Variants in STK32A observed in about 807,000 individuals in gnomAD.
STK32A encodes serine/threonine kinase 32A.
In STK32A, 41 loss-of-function variants were observed where a neutral mutation model predicts 53.2. The observed-to-expected ratio is 0.77, with a 90% confidence interval of 0.60 to 1.00. The LOEUF (loss-of-function observed/expected upper bound fraction) is 1.00, where lower values mean the gene tolerates loss of function less well. Ranked by LOEUF, STK32A falls within the 50% of genes least tolerant of loss-of-function variation. The pLI is 0.00. For missense variants in STK32A, 458 were observed against 485.8 expected (o/e 0.94, Z 0.54); for synonymous variants, 166 against 162.8 (o/e 1.02, Z -0.15).
At chr5:147,348,810 A>G in intron 6 of STK32A, 1 of 718,846 alleles carries the variant, frequency 1.4e-6, no homozygotes. Context: ...ATCAACAATT[A>G]AACGCTTACT....
Position 147,359,136 on chromosome 5 carries a change from C to T in STK32A, c.563-2381C>T, listed in dbSNP as rs180902591. Among the ~76,000 whole-genome samples, 549 of 152,194 alleles carry T rather than the reference C, an allele frequency of 3.6e-3. 4 individuals carry two copies. The highest frequency in any genetic ancestry group is 0.013 in the African/African-American group (531 of 41,542). ...GTGGCTTTTTTGAAGGACACTTAGCCCTTCTCTGACTCTCTTAGTACTCTC... is the reference window on the plus strand; with the variant it reads ...GTGGCTTTTTTGAAGGACACTTAGCTCTTCTCTGACTCTCTTAGTACTCTC... On this transcript the variant is annotated intron_variant, in intron 7 of 12. Coordinates refer to ENST00000397936, the MANE Select transcript of STK32A (RefSeq NM_001112724.2).
intron 6 of STK32A, chr5:147,348,861 T>G (rs1466294307): frequency 1.5e-6 from 1 of 659,974 alleles, no homozygotes; most frequent in Non-Finnish European, 2.8e-6. Flanking sequence ...AATCATTCTT[T>G]CATTTAATAT....
intron 2 of STK32A, among the ~76,000 whole-genome samples, chr5:147,263,301 T>C (rs972293411): frequency 6.6e-6 from 1 of 152,224 alleles, no homozygotes; most frequent in South Asian, 2.1e-4. Flanking sequence ...AGGCCGCAGC[T>C]AGAAGCAACA....
chr5:147,380,314 A>G (rs1203487626), intron 11 of STK32A, among the ~76,000 whole-genome samples: 1 of 152,132 alleles, frequency 6.6e-6, no homozygotes, highest in Non-Finnish European at 1.5e-5. Context: ...TTCCGTTTGC[A>G]AGTAAGAGTG....
At position 147,361,576 on chromosome 5, in the gene STK32A, T is replaced by A; in HGVS notation, c.622T>A (p.Ser208Thr). 6.2e-7 allele frequency: 1 copy of A among 1,613,490 alleles called. No individual in the cohort carries two copies. Among genetic ancestry groups the A allele is most frequent in the Non-Finnish European group, 8.5e-7 (1 of 1,179,728 alleles). ...CTATTCCTTTGCTGTTGACTGGTGG[T>A]CCCTGGGAGTGACGGCATATGAACT... ...AGYSFAVDWW[S>T]LGVTAYELLR... Residue 208 changes from serine to threonine, a missense_variant, in exon 8 of 13, where the codon TCC becomes ACC. By Grantham distance (58) the Ser-to-Thr change is moderately conservative. Coordinates refer to ENST00000397936, the MANE Select transcript of STK32A (RefSeq NM_001112724.2).
chr5:147,365,353 G>A (rs576101260), intron 8 of STK32A, among the ~76,000 whole-genome samples: 2 of 152,142 alleles, frequency 1.3e-5, no homozygotes, highest in South Asian at 2.1e-4. Context: ...TGCCTTTCCT[G>A]AGGAAGTCAT....
intron 11 of STK32A, among the ~76,000 whole-genome samples, chr5:147,382,425 G>A (rs536260957): frequency 2.6e-4 from 40 of 151,780 alleles, no homozygotes; most frequent in African/African-American, 9.2e-4. Context: ...CTACTGTTAG[G>A]TCTTTTTAAG....
intron 6 of STK32A, among the ~76,000 whole-genome samples, chr5:147,349,622 T>C (rs1000845949): frequency 2.0e-5 from 3 of 152,106 alleles, no homozygotes; most frequent in Admixed American, 6.6e-5. Flanking sequence ...AGACCCACAC[T>C]ATATTGCTTT....
At chr5:147,396,820 C>T in the STK32A span, among the ~76,000 whole-genome samples, 1 of 150,248 alleles carries the variant, frequency 6.7e-6, no homozygotes, top group Non-Finnish European at 1.5e-5. Flanking sequence ...GGCTAATACA[C>T]ATATATATAC....
chr5:147,387,172 G>A lies in STK32A; in HGVS notation c.*3189G>A, dbSNP rs1168317519. The A allele has an allele frequency of 6.6e-6, 1 of 152,228 alleles. No homozygotes were observed. The highest frequency in any genetic ancestry group is 2.4e-5 in the African/African-American group (1 of 41,450). The allele number at this position is 152,228 out of a possible 1,614,324, so 9.4% of individuals were successfully genotyped here. ...ACTGTGACAGAGCTGCCCACCTCCAGTACACCCTCAGTGACCTCGAGTAGA... is the reference window on the plus strand; with the variant it reads ...ACTGTGACAGAGCTGCCCACCTCCAATACACCCTCAGTGACCTCGAGTAGA... On this transcript the variant is annotated 3_prime_UTR_variant, in exon 13 of 13. Transcript: ENST00000397936.
rs537671852 is a variant in STK32A, at chr5:147,260,144, TC to T, written c.53-17978del. Reference sequence around the variant, plus strand: ...TCTCTCTCTCTTCTCTGTCTCTCTCTCCTGTCTCTCTCCTCTCTGTCTCTCT... The same window carrying T: ...TCTCTCTCTCTTCTCTGTCTCTCTCTCTGTCTCTCTCCTCTCTGTCTCTCT... On this transcript the variant is annotated intron_variant, in intron 2 of 12. Coordinates refer to ENST00000397936, the MANE Select transcript of STK32A (RefSeq NM_001112724.2). Among the ~76,000 whole-genome samples the T allele has an allele frequency of 2.6e-3, 338 of 129,050 alleles. 3 individuals are homozygous for T. Among genetic ancestry groups the T allele is most frequent in the African/African-American group, 9.6e-3 (319 of 33,370 alleles). The allele number at this position is 129,050 out of a possible 152,430, so 84.7% of individuals were successfully genotyped here. A position where few individuals can be genotyped will look rare whatever the true frequency, so the allele number is the denominator to read the frequency against.
At chr5:147,329,651 A>G (rs1754767303) in intron 5 of STK32A, among the ~76,000 whole-genome samples, 1 of 152,252 alleles carries the variant, frequency 6.6e-6, no homozygotes, top group Admixed American at 6.5e-5. Context: ...ACGCACGCAC[A>G]CACACACACA....
At chr5:147,383,699 G>A (rs376309434) in intron 12 of STK32A, among the ~76,000 whole-genome samples, 191 bp from the exon 13 acceptor site, 2 of 152,048 alleles carry the variant, frequency 1.3e-5, no homozygotes, top group South Asian at 2.1e-4. Flanking sequence ...AATTAGCCTA[G>A]CATCAAGTTT....
At chr5:147,373,984 G>C (rs557414372) in intron 10 of STK32A, among the ~76,000 whole-genome samples, 4 of 152,208 alleles carry the variant, frequency 2.6e-5, no homozygotes, top group Admixed American at 2.6e-4. Context: ...TTCTAAAGGG[G>C]CCTGTAGAAC....
chr5:147,301,414 G>A (rs1303466820), intron 4 of STK32A, among the ~76,000 whole-genome samples: 1 of 152,062 alleles, frequency 6.6e-6, no homozygotes, highest in Non-Finnish European at 1.5e-5. Flanking sequence ...AAGTGTATTT[G>A]GGGTGAAATA....
At chr5:147,343,230 A>C in intron 6 of STK32A, 187 bp downstream of exon 6, 1 of 764,726 alleles carries the variant, frequency 1.3e-6, no homozygotes, top group East Asian at 2.5e-5. Context: ...ACAACAATAC[A>C]CCCTTAAATC....
intron 4 of STK32A, among the ~76,000 whole-genome samples, chr5:147,297,091 AC>A (rs1375973226): frequency 9.9e-5 from 15 of 152,188 alleles, no homozygotes; most frequent in African/African-American, 3.4e-4. Context: ...ATACACCTTA[AC>A]CAAGGTTATG....
At chr5:147,247,211 A>G (rs1001077605) in intron 2 of STK32A, among the ~76,000 whole-genome samples, 2 of 152,244 alleles carry the variant, frequency 1.3e-5, no homozygotes, top group African/African-American at 4.8e-5. Context: ...ATGGCCTTGC[A>G]AATGTCAACT....
intron 4 of STK32A, among the ~76,000 whole-genome samples, chr5:147,280,461 A>C (rs115884442): frequency 0.051 from 7,707 of 151,192 alleles, 260 homozygotes; most frequent in South Asian, 0.084. Context: ...GCACGGTGGG[A>C]GTGAGACCGG....
Sources: allele counts gnomAD v4.1 joint callset (sites outside exome capture counted in the v4.1 genomes callset), GRCh38; gene constraint gnomAD v4.1.1; transcripts MANE v1.5; gene names NCBI Gene and HGNC (gene_info 2026-07-23, HGNC 2026-07-21).